TDRD3: variants seen among roughly 807,000 people sequenced by gnomAD.
TDRD3 encodes the protein tudor domain containing 3, also known as tudor domain-containing protein 3.
Under a neutral mutation model 86.7 loss-of-function variants are expected in TDRD3, and 45 were observed. The observed-to-expected ratio is 0.52, with a 90% CI of 0.41 to 0.67. The LOEUF (loss-of-function observed/expected upper bound fraction) is 0.67, where lower values mean the gene tolerates loss of function less well. TDRD3 is among the 30% of genes least tolerant of loss of function. The probability of loss-of-function intolerance (pLI) is 0.00; values close to 1 mark genes in which losing one functional copy is unlikely to be tolerated. For synonymous variants in TDRD3, 298 were observed against 301.7 expected (o/e 0.99, Z 0.13); for missense variants, 814 against 889.0 (o/e 0.92, Z 1.07).
At chr13:60,474,060 C>G (rs915895548) in intron 5 of TDRD3, among the ~76,000 whole-genome samples, 1 of 152,214 alleles carries the variant, frequency 6.6e-6, no homozygotes, top group Non-Finnish European at 1.5e-5. Context: ...TGGTCACGCT[C>G]CTGATCCGCT....
chr13:60,535,459 T>C, intron 12 of TDRD3: 2 of 356,208 alleles, frequency 5.6e-6, no homozygotes, highest in Non-Finnish European at 8.8e-6. Flanking sequence ...TGTTGTATTA[T>C]GCTTTGGAAA....
At chr13:60,559,207 C>A (rs1477850320) in intron 12 of TDRD3, among the ~76,000 whole-genome samples, 2 of 152,106 alleles carry the variant, frequency 1.3e-5, no homozygotes, top group African/African-American at 4.8e-5. Flanking sequence ...TGATAAACCT[C>A]TGAGGTCATT....
chr13:60,454,018 A>G (rs1955607418), intron 3 of TDRD3, among the ~76,000 whole-genome samples: 1 of 152,118 alleles, frequency 6.6e-6, no homozygotes, highest in Admixed American at 6.6e-5. Context: ...ATTTACAAAC[A>G]TAACTTTATA....
chr13:60,536,158 T>A (rs977697643), intron 12 of TDRD3: 1 of 152,050 alleles, frequency 6.6e-6, no homozygotes, highest in African/African-American at 2.4e-5. Context: ...GTGGTACCCC[T>A]TCTCCACCTT....
chr13:60,407,923 G>A (rs200167488), intron 1 of TDRD3, among the ~76,000 whole-genome samples: 1 of 152,246 alleles, frequency 6.6e-6, no homozygotes, highest in African/African-American at 2.4e-5. Flanking sequence ...CATGGGGGTC[G>A]GTCTTTCCCA....
rs749010366 is a variant in TDRD3, at chr13:60,467,365, T to C, written c.481T>C (p.Trp161Arg). ...GGEVEHLIEK[W>R]ELQRSLSKHN... ...TGAAGTGGAACACCTTATTGAGAAA[T>C]GGGAGTTACAGAGAGTAAGTGTAAA... Residue 161 changes from tryptophan (W) to arginine (R), a missense_variant, in exon 5 of 14, where the codon TGG becomes CGG. Transcript: ENST00000377881. 6.2e-7 allele frequency: 1 copy of C among 1,613,696 alleles called. No homozygotes were observed. The highest frequency in any genetic ancestry group is 8.5e-7 in the Non-Finnish European group (1 of 1,179,788).
At chr13:60,505,129 C>T (rs1053721822) in intron 8 of TDRD3, among the ~76,000 whole-genome samples, 1 of 152,108 alleles carries the variant, frequency 6.6e-6, no homozygotes, top group African/African-American at 2.4e-5. Flanking sequence ...AGCCAGGGCG[C>T]CAAGTAGTCT....
intron 12 of TDRD3, among the ~76,000 whole-genome samples, chr13:60,557,790 A>T (rs1958232246): frequency 6.9e-6 from 1 of 144,682 alleles, no homozygotes; most frequent in Non-Finnish European, 1.5e-5. Flanking sequence ...GTATTTTAGC[A>T]ATTTGGCATA....
Position 60,442,371 on chromosome 13 carries a change from A to ATGTG in TDRD3, c.127-2294_127-2291dup, listed in dbSNP as rs35214486. On this transcript the variant is annotated intron_variant, in intron 2 of 13. Coordinates refer to ENST00000377881, the MANE Select transcript of TDRD3 (RefSeq NM_001146070.2). ...ATTTACTTAAGTAAATAGGGATTTT[A>ATGTG]TGTGTGTGTGTGTGTGTGTGTATTT... Among the ~76,000 whole-genome samples, 272 of 150,558 alleles carry ATGTG rather than the reference A, an allele frequency of 1.8e-3. 2 individuals carry two copies. Among genetic ancestry groups the ATGTG allele is most frequent in the South Asian group, 0.012 (59 of 4,776 alleles).
At chr13:60,412,927 G>A (rs1374620582) in intron 1 of TDRD3, among the ~76,000 whole-genome samples, 1 of 152,032 alleles carries the variant, frequency 6.6e-6, no homozygotes, top group African/African-American at 2.4e-5. Context: ...TATCTAAGAT[G>A]CGTACTTTAA....
intron 12 of TDRD3, among the ~76,000 whole-genome samples, chr13:60,543,259 T>G (rs950237146): frequency 1.3e-5 from 2 of 152,192 alleles, no homozygotes; most frequent in Non-Finnish European, 2.9e-5. Flanking sequence ...TATTATTTTT[T>G]TGTACATAAT....
chr13:60,435,302 A>G (rs1303080500), intron 1 of TDRD3, among the ~76,000 whole-genome samples: 1 of 152,064 alleles, frequency 6.6e-6, no homozygotes, highest in Non-Finnish European at 1.5e-5. Context: ...TTTTGGGTAC[A>G]GGTGGTTTTT....
At chr13:60,559,665 A>G (rs189652412) in intron 12 of TDRD3, among the ~76,000 whole-genome samples, 1 of 152,306 alleles carries the variant, frequency 6.6e-6, no homozygotes, top group African/African-American at 2.4e-5. Context: ...ACATGATCTT[A>G]CTTATATGTG....
rs1955206034 is a variant in TDRD3, at chr13:60,439,579, A to G, written c.42-109A>G. The G allele has an allele frequency of 4.1e-6, 3 of 729,572 alleles. No individual in the cohort carries two copies. The African/African-American group carries it at 5.4e-5, about 13-fold the overall frequency. 45.2% of individuals were successfully genotyped at this position (729,572 alleles called of 1,614,324 possible). ...CCATATCCAAGACTCTTTCCCTAGTATTTGTAGCAGAAGCACTTTATAGTA... is the reference window on the plus strand; with the variant it reads ...CCATATCCAAGACTCTTTCCCTAGTGTTTGTAGCAGAAGCACTTTATAGTA... On this transcript the variant is annotated intron_variant, in intron 1 of 13. Transcript: ENST00000377881.
At chr13:60,397,755 G>T (rs535427086) in intron 1 of TDRD3, among the ~76,000 whole-genome samples, 1 of 151,754 alleles carries the variant, frequency 6.6e-6, no homozygotes, top group African/African-American at 2.4e-5. Context: ...AGCGCCGTCC[G>T]CGCGGCTTCT....
At chr13:60,458,639 A>C (rs1222549783) in intron 3 of TDRD3, among the ~76,000 whole-genome samples, 4 of 152,220 alleles carry the variant, frequency 2.6e-5, no homozygotes, top group Non-Finnish European at 5.9e-5. Flanking sequence ...GTAGGCCTAG[A>C]TCATCACCAA....
intron 8 of TDRD3, among the ~76,000 whole-genome samples, chr13:60,501,919 C>T (rs1475834472): frequency 6.6e-6 from 1 of 152,086 alleles, no homozygotes; most frequent in Non-Finnish European, 1.5e-5. Flanking sequence ...ACTATTATTC[C>T]TGCTATCAGG....
chr13:60,456,768 T>C (rs931574635), intron 3 of TDRD3, among the ~76,000 whole-genome samples: 1 of 152,146 alleles, frequency 6.6e-6, no homozygotes, highest in African/African-American at 2.4e-5. Flanking sequence ...CAATCGTGGT[T>C]CACTGTAGCC....
In TDRD3 at chr13:60,535,104, T is replaced by TCCTGC; in HGVS notation, c.1993-3_1993-2insCTGCC. ...CATATTTAAAACTCCTTTTGCCTCC[T>TCCTGC]CAGTTTTACCGGGCAGAAGTTGAAG... On this transcript the variant is annotated splice_region_variant and splice_polypyrimidine_tract_variant and intron_variant, in intron 11 of 13. Coordinates refer to ENST00000377881, the MANE Select transcript of TDRD3 (RefSeq NM_001146070.2). 6.2e-7 allele frequency: 1 copy of TCCTGC among 1,613,414 alleles called. No homozygotes were observed. Among genetic ancestry groups the TCCTGC allele is most frequent in the Admixed American group, 1.7e-5 (1 of 59,900 alleles).
Sources: gnomAD v4.1 joint callset for allele counts (sites outside exome capture counted in the v4.1 genomes callset) on GRCh38, gnomAD v4.1.1 for gene constraint, MANE v1.5 for transcripts, NCBI Gene and HGNC (gene_info 2026-07-23, HGNC 2026-07-21) for gene names.